The following STIM1 variants were observed in gnomAD, a reference collection of about 807,000 sequenced individuals.
STIM1 encodes the protein stromal interaction molecule 1.
Under a neutral mutation model 74.7 loss-of-function variants are expected in STIM1, and 25 were observed. That is an observed-to-expected ratio of 0.33 (90% CI 0.24 to 0.47). STIM1 has a LOEUF of 0.47. Among genes scored for constraint, STIM1 ranks in the 20% least tolerant of loss-of-function variants. The pLI, the probability that STIM1 is intolerant of heterozygous loss-of-function variation, is 1.00. For synonymous variants in STIM1, 328 were observed against 348.8 expected, an observed-to-expected ratio of 0.94 and a Z score of 0.66; for missense variants, 728 against 920.8, an observed-to-expected ratio of 0.79 and a Z score of 2.71.
intron 2 of STIM1, among the ~76,000 whole-genome samples, chr11:3,972,364 C>CT (rs1294025365): frequency 1.3e-5 from 2 of 152,194 alleles, no homozygotes; most frequent in Non-Finnish European, 2.9e-5. Context: ...GCCTCTTGCA[C>CT]TATTACCCCA....
intron 1 of STIM1, among the ~76,000 whole-genome samples, chr11:3,922,956 A>G (rs544617583): frequency 6.6e-6 from 1 of 152,096 alleles, no homozygotes; most frequent in African/African-American, 2.4e-5. Flanking sequence ...AAAATTAGCC[A>G]GGCATGGTAG....
intron 12 of STIM1, chr11:4,089,172 G>A (rs566727508): frequency 2.0e-5 from 4 of 200,138 alleles, no homozygotes; most frequent in East Asian, 2.3e-4. Context: ...GCAGTGAGCC[G>A]AGATCGCGCC....
At chr11:4,009,676 A>C (rs147915847) in intron 2 of STIM1, among the ~76,000 whole-genome samples, 244 of 152,206 alleles carry the variant, frequency 1.6e-3, no homozygotes, top group African/African-American at 5.5e-3. Context: ...AATAATCTTC[A>C]TAAAAATAGT....
At chr11:4,014,143 G>A (rs565443091) in intron 2 of STIM1, among the ~76,000 whole-genome samples, 2 of 152,070 alleles carry the variant, frequency 1.3e-5, no homozygotes, top group African/African-American at 4.8e-5. Flanking sequence ...TGTGATGTTA[G>A]GGTGTCGATT....
intron 1 of STIM1, among the ~76,000 whole-genome samples, chr11:3,881,119 A>G (rs915536593): frequency 1.3e-5 from 2 of 151,638 alleles, no homozygotes; most frequent in Non-Finnish European, 2.9e-5. Context: ...GGAAAATCAC[A>G]TAACATAAAA....
intron 2 of STIM1, among the ~76,000 whole-genome samples, chr11:3,981,028 T>A (rs1466315777): frequency 6.6e-6 from 1 of 152,216 alleles, no homozygotes; most frequent in African/African-American, 2.4e-5. Context: ...GACGGAGTCT[T>A]GTTCTGTCGC....
At chr11:4,016,746 A>G (rs914282025) in intron 2 of STIM1, among the ~76,000 whole-genome samples, 4 of 152,008 alleles carry the variant, frequency 2.6e-5, no homozygotes, top group African/African-American at 9.7e-5. Context: ...CACTGTGAGC[A>G]TAGAACTGCC....
In STIM1 at chr11:4,074,523, G is replaced by A. The variant is rs772830176; in HGVS notation, c.813G>A (p.Glu271=). The A allele has an allele frequency of 1.2e-6, 2 of 1,613,988 alleles. No homozygotes were observed. Among genetic ancestry groups the A allele is most frequent in the African/African-American group, 1.3e-5 (1 of 75,046 alleles). ...LQERLHKAQE[E]HRTVEVEKVH... ...CCAGGCTGCACAAGGCCCAGGAGGA[G>A]CACCGCACAGTGGAGGTGGAGAAGG... is the stretch of plus-strand genomic sequence containing the variant. The change falls in exon 7 of 13, where the codon GAG becomes GAA. Residue 271 remains glutamate, a synonymous_variant. Transcript: ENST00000526596.
Position 3,873,153 on chromosome 11 carries a change from C to T in STIM1, c.139+16744C>T, listed in dbSNP as rs369286547. Among the ~76,000 whole-genome samples the T allele has an allele frequency of 2.5e-3, 384 of 152,138 alleles. 4 individuals carry two copies. The highest frequency in any genetic ancestry group is 8.8e-3 in the African/African-American group (366 of 41,506). ...AAACTTGGCCGGGTGCGGTGGCTCA[C>T]GTCTGTAATCCCGGCACTTTGGGAG... On this transcript the variant is annotated intron_variant, in intron 1 of 12. Transcript: ENST00000526596.
chr11:3,883,094 C>A (rs2091577405), intron 1 of STIM1, among the ~76,000 whole-genome samples: 1 of 151,888 alleles, frequency 6.6e-6, no homozygotes, highest in Non-Finnish European at 1.5e-5. Context: ...CATTTTGGGG[C>A]AAACCTTTCT....
At chr11:4,074,706 A>G (rs985377638) in intron 7 of STIM1, 27 bp downstream of exon 7, 3 of 1,551,522 alleles carry the variant, frequency 1.9e-6, no homozygotes, top group African/African-American at 2.7e-5. Flanking sequence ...ATTCCTGGAC[A>G]CCTTGACGGG....
chr11:3,912,602 G>C (rs992461937), intron 1 of STIM1, among the ~76,000 whole-genome samples: 15 of 152,136 alleles, frequency 9.9e-5, no homozygotes, highest in Admixed American at 1.3e-4. Context: ...CTGACCTCAA[G>C]TGATCCACCC....
At position 4,059,310 on chromosome 11, in the gene STIM1, G is replaced by A. The variant is rs1338973695; in HGVS notation, c.527G>A (p.Gly176Glu). 6.2e-7 allele frequency: 1 copy of A among 1,614,048 alleles called. No individual in the cohort carries two copies. Among genetic ancestry groups the A allele is most frequent in the East Asian group, 2.2e-5 (1 of 44,876 alleles). Residue 176 changes from glycine (G) to glutamate (E), a missense_variant, in exon 5 of 13, where the codon GGG becomes GAG. Physicochemically the swap from Gly to Glu is moderately conservative, Grantham distance 98. This residue lies in a region of STIM1 where 132 missense variants were observed against 158.2 expected (regional missense o/e 0.83). Transcript: ENST00000526596. ...RLAVTNTTMTGTVLKMTDRSH... is the reference protein window; with the variant it reads ...RLAVTNTTMTETVLKMTDRSH... Reference sequence around the variant, plus strand: ...GCTGTCACCAACACCACCATGACAGGGACTGTGCTGAAGATGACAGACCGG... The same window carrying A: ...GCTGTCACCAACACCACCATGACAGAGACTGTGCTGAAGATGACAGACCGG...
At chr11:4,075,535 G>C (rs962034849) in intron 7 of STIM1, among the ~76,000 whole-genome samples, 2 of 152,222 alleles carry the variant, frequency 1.3e-5, no homozygotes, top group Non-Finnish European at 2.9e-5. Context: ...GTCTATGAGA[G>C]TCATCAAAGT....
rs547711154 is a variant in STIM1 at position 4,078,439 on chromosome 11, A to G, written c.970-3745A>G. 3.9e-5 allele frequency among the ~76,000 whole-genome samples: 6 copies of G among 152,312 alleles called. No homozygotes were observed. In the South Asian group the frequency reaches 8.3e-4, roughly 21 times the overall value. The stretch of plus-strand genomic sequence containing the variant: ...CCAGCCCAATTTTCGGCTGTCACCT[A>G]AAATCATCAATGTCTCCCAGGAAGA... On this transcript the variant is annotated intron_variant, in intron 7 of 12. Coordinates refer to ENST00000526596, the MANE Select transcript of STIM1 (RefSeq NM_001382567.1).
At chr11:3,864,005 T>C (rs573959324) in intron 1 of STIM1, among the ~76,000 whole-genome samples, 8 of 152,088 alleles carry the variant, frequency 5.3e-5, no homozygotes, top group Admixed American at 5.2e-4. Flanking sequence ...CCCCCGAGAA[T>C]AAAGGAGGGC....
At chr11:4,001,158 C>A in intron 2 of STIM1, among the ~76,000 whole-genome samples, 1 of 152,154 alleles carries the variant, frequency 6.6e-6, no homozygotes, top group East Asian at 1.9e-4. Flanking sequence ...TTGGAAAACA[C>A]TCTGCAGGAT....
intron 1 of STIM1, among the ~76,000 whole-genome samples, chr11:3,927,712 A>G (rs903131697): frequency 2.6e-5 from 4 of 152,162 alleles, no homozygotes; most frequent in African/African-American, 9.7e-5. Flanking sequence ...GTGGAAGCAG[A>G]GGCATCCTGA....
intron 3 of STIM1, among the ~76,000 whole-genome samples, chr11:4,040,902 C>T (rs1244674405): frequency 6.6e-6 from 1 of 152,196 alleles, no homozygotes; most frequent in East Asian, 1.9e-4. Flanking sequence ...CACATGAGGC[C>T]TAGGCCAGAT....
Sources: gnomAD v4.1 joint callset for allele counts (sites outside exome capture counted in the v4.1 genomes callset) on GRCh38, gnomAD v4.1.1 for gene constraint, gnomAD v4.1.1 regional missense constraint, MANE v1.5 for transcripts, NCBI Gene and HGNC (gene_info 2026-07-23, HGNC 2026-07-21) for gene names.